Variants in AZGP1 observed in about 807,000 individuals in gnomAD.
AZGP1 encodes the protein alpha-2-glycoprotein 1, zinc-binding.
AZGP1 carries 28 observed loss-of-function variants against 31.5 expected under a neutral mutation model. The ratio of observed to expected loss-of-function variants is 0.89; its 90% CI spans 0.66 to 1.22. AZGP1 has a LOEUF of 1.22. Ranked by LOEUF, AZGP1 falls within the 50% of genes most tolerant of loss-of-function variation. The pLI is 0.00. For synonymous variants in AZGP1, 135 were observed against 145.4 expected, an observed-to-expected ratio of 0.93 and a Z score of 0.51; for missense variants, 361 against 371.8, an observed-to-expected ratio of 0.97 and a Z score of 0.24.
chr7:99,969,648 T>C (rs149513858), intron 2 of AZGP1, among the ~76,000 whole-genome samples: 1 of 152,144 alleles, frequency 6.6e-6, no homozygotes, highest in Admixed American at 6.5e-5. Context: ...CTAAGGACAA[T>C]TATTTGTTTG....
intron 2 of AZGP1, among the ~76,000 whole-genome samples, chr7:99,969,473 G>A (rs746899535): frequency 4.0e-5 from 6 of 151,278 alleles, no homozygotes; most frequent in East Asian, 3.9e-4. Context: ...CCCAGTTATC[G>A]GGAGGCTGAG....
At chr7:99,969,535 G>A (rs569088449) in intron 2 of AZGP1, among the ~76,000 whole-genome samples, 2 of 151,596 alleles carry the variant, frequency 1.3e-5, no homozygotes, top group South Asian at 2.1e-4. Context: ...AGCTGAGATT[G>A]CATCACTGCA....
chr7:99,975,869 G>C (rs549472314), intron 1 of AZGP1, 76 bp downstream of exon 1: 2 of 1,501,816 alleles, frequency 1.3e-6, no homozygotes, highest in Non-Finnish European at 1.8e-6. Context: ...CATCCAGCCT[G>C]TCTCCCAGCC....
intron 2 of AZGP1, 159 bp from the exon 3 acceptor site, chr7:99,968,589 T>A: frequency 5.6e-6 from 5 of 892,568 alleles, no homozygotes; most frequent in Non-Finnish European, 8.6e-6. Context: ...ATTACTCCAA[T>A]ATATACAACA....
intron 3 of AZGP1, 76 bp downstream of exon 3, chr7:99,968,079 G>T (rs143327458): frequency 4.5e-6 from 7 of 1,561,748 alleles, no homozygotes; most frequent in Middle Eastern, 1.7e-4. Flanking sequence ...ACCGGACTAA[G>T]ATGTTGCCTG....
chr7:99,968,087 C>T, intron 3 of AZGP1, 68 bp downstream of exon 3: 1 of 1,583,336 alleles, frequency 6.3e-7, no homozygotes, highest in Non-Finnish European at 8.6e-7. Flanking sequence ...AAGATGTTGC[C>T]TGAGCTCCTA....
At chr7:99,975,185 G>A (rs1789640692) in intron 1 of AZGP1, among the ~76,000 whole-genome samples, 1 of 151,496 alleles carries the variant, frequency 6.6e-6, no homozygotes, top group African/African-American at 2.4e-5. Flanking sequence ...CCACCTATTA[G>A]TTCTGTTTCT....
In AZGP1 at chr7:99,971,795, G is replaced by C; in HGVS notation, c.288C>G (p.Ile96Met). 1 of 1,614,040 alleles carries C rather than the reference G, an allele frequency of 6.2e-7. No individual in the cohort carries two copies. The highest frequency in any genetic ancestry group is 8.5e-7 in the Non-Finnish European group (1 of 1,179,964). ...DSQLQKARED[I>M]FMETLKDIVE... is the part of the protein sequence containing the mutation. ...CGATGTCTTTCAGGGTCTCCATAAA[G>C]ATGTCCTCCCTGGCCTTCTGAAGTT... The change falls in exon 2 of 4, where the codon ATC (isoleucine) becomes ATG (methionine). Residue 96 changes from isoleucine (I) to methionine (M), a missense_variant. Coordinates refer to ENST00000292401, the MANE Select transcript of AZGP1 (RefSeq NM_001185.4).
At position 99,971,982 on chromosome 7, in the gene AZGP1, T is replaced by C; in HGVS notation, c.101A>G (p.Tyr34Cys). Residue 34 changes from tyrosine (Y) to cysteine (C), a missense_variant, in exon 2 of 4, where the codon TAC becomes TGC. By Grantham distance (194) the Tyr-to-Cys change is radical (BLOSUM62 -2). Transcript: ENST00000292401. ...QDGRYSLTYIYTGLSKHVEDV... is the reference protein window; with the variant it reads ...QDGRYSLTYICTGLSKHVEDV... ...TTCAACATGCTTGGACAGCCCAGTG[T>C]AGATATAGGTCAGAGAGTAACGACC... 1 of 1,613,392 alleles carries C rather than the reference T, an allele frequency of 6.2e-7. No individual in the cohort carries two copies. Among genetic ancestry groups the C allele is most frequent in the Non-Finnish European group, 8.5e-7 (1 of 1,179,620 alleles).
chr7:99,971,550 G>A (rs1789577464), intron 2 of AZGP1, 196 bp downstream of exon 2: 1 of 649,864 alleles, frequency 1.5e-6, no homozygotes, highest in East Asian at 2.8e-5. Flanking sequence ...GATGAGGATG[G>A]GGCAATTGAT....
At chr7:99,967,367 A>T in intron 3 of AZGP1, 81 bp from the exon 4 acceptor site, 3 of 1,467,212 alleles carry the variant, frequency 2.0e-6, no homozygotes, top group Non-Finnish European at 2.8e-6. Context: ...CCACCCCTGG[A>T]TGTCAGCGAT....
In AZGP1 at chr7:99,968,040, G is replaced by T. The variant is rs534040497; in HGVS notation, c.613+115C>A. 3.7e-4 allele frequency: 491 copies of T among 1,337,744 alleles called. 2 individuals carry two copies. The African/African-American group carries it at 6.3e-3, about 17-fold the overall frequency. The allele number at this position is 1,337,744 out of a possible 1,614,324, so 82.9% of individuals were successfully genotyped here. ...TAAATCCTAAAAGATGAAAGCTGGG[G>T]GTCTGAGGGACATCCAGGAACAGAT... On this transcript the variant is annotated intron_variant, in intron 3 of 3. Coordinates refer to ENST00000292401, the MANE Select transcript of AZGP1 (RefSeq NM_001185.4).
Position 99,968,740 on chromosome 7 carries a change from A to C in AZGP1, c.338-310T>G, listed in dbSNP as rs1274840388. Reference sequence around the variant, plus strand: ...CACTTTGAGAAGCTGAAGCGAGTGGATCGCTTGAGCCCAGGGGTTCCAGAC... The same window carrying C: ...CACTTTGAGAAGCTGAAGCGAGTGGCTCGCTTGAGCCCAGGGGTTCCAGAC... On this transcript the variant is annotated intron_variant, in intron 2 of 3. Transcript: ENST00000292401. 7 of 357,654 alleles carry C rather than the reference A, an allele frequency of 2.0e-5. No individual in the cohort carries two copies. In the East Asian group the frequency reaches 4.8e-4, roughly 25 times the overall value. The allele number at this position is 357,654 out of a possible 1,614,324, so 22.2% of individuals were successfully genotyped here.
At position 99,967,256 on chromosome 7, in the gene AZGP1, T is replaced by TG. The variant is rs1275931062; in HGVS notation, c.643dup (p.Gln215ProfsTer22). The TG allele has an allele frequency of 1.2e-6, 2 of 1,612,794 alleles. No homozygotes were observed. The highest frequency in any genetic ancestry group is 2.7e-5 in the African/African-American group (2 of 74,874). On this transcript the variant is annotated frameshift_variant, in exon 4 of 4. Transcript: ENST00000292401. LOFTEE classifies it high-confidence loss of function. ...CAGTTTCTTCTTTTCTCCTGGGGCC[T>TG]GGTGGCTGGTGACCACCACAGAGGG...
Position 99,966,749 on chromosome 7 carries a change from A to C in AZGP1, c.*254T>G. On this transcript the variant is annotated 3_prime_UTR_variant, in exon 4 of 4. Transcript: ENST00000292401. ...CTGTTATGCTAGGCAAGGAGGGATG[A>C]TTATTTATTAGCTTCTACAGATTAG... is the stretch of plus-strand genomic sequence containing the variant. 1.9e-6 allele frequency: 1 copy of C among 536,658 alleles called. No homozygotes were observed. Among genetic ancestry groups the C allele is most frequent in the Non-Finnish European group, 3.2e-6 (1 of 315,228 alleles). 33.2% of individuals were successfully genotyped at this position (536,658 alleles called of 1,614,324 possible). A position where few individuals can be genotyped will look rare whatever the true frequency, so the allele number is the denominator to read the frequency against.
rs776168580 is a variant in AZGP1 at position 99,968,161 on chromosome 7, G to A, written c.607C>T (p.Arg203Trp). ...AGCAGGAAGCAGTGAGTACCTTGCC[G>A]GTCCAGGATATTTTTGCTGTATTTC... ...YLKYSKNILDRQDPPSVVVTS... is the reference protein window; with the variant it reads ...YLKYSKNILDWQDPPSVVVTS... Residue 203 changes from arginine to tryptophan, a missense_variant, in exon 3 of 4, where the codon CGG (arginine) becomes TGG (tryptophan). Physicochemically the swap from Arg to Trp is moderately radical, Grantham distance 101 (BLOSUM62 -3). Coordinates refer to ENST00000292401, the MANE Select transcript of AZGP1 (RefSeq NM_001185.4). 4.0e-5 allele frequency: 64 copies of A among 1,613,834 alleles called. 1 individual carries two copies. The highest frequency in any genetic ancestry group is 3.3e-4 in the Middle Eastern group (2 of 6,060).
chr7:99,971,727 T>C lies in AZGP1; in HGVS notation c.337+19A>G, dbSNP rs1340732915. 1.7e-5 allele frequency: 27 copies of C among 1,609,574 alleles called. No homozygotes were observed. Among genetic ancestry groups the C allele is most frequent in the Non-Finnish European group, 2.3e-5 (27 of 1,177,192 alleles). ...TCTTGGGTTAGACCTTCCACCCCTGTGGTCTGTTATTCACTGACCGTTACT... is the reference window on the plus strand; with the variant it reads ...TCTTGGGTTAGACCTTCCACCCCTGCGGTCTGTTATTCACTGACCGTTACT... On this transcript the variant is annotated intron_variant, in intron 2 of 3. Transcript: ENST00000292401.
intron 1 of AZGP1, among the ~76,000 whole-genome samples, chr7:99,973,759 T>C (rs1789615673): frequency 6.6e-6 from 1 of 150,962 alleles, no homozygotes; most frequent in Admixed American, 6.6e-5. Context: ...CTACTAAAAA[T>C]ACATAAATTA....
intron 2 of AZGP1, chr7:99,968,732 G>A (rs1054197681): frequency 2.6e-6 from 1 of 380,158 alleles, no homozygotes; most frequent in Non-Finnish European, 4.7e-6. Flanking sequence ...AGAAGCTGAA[G>A]CGAGTGGATC....
Sources: allele counts gnomAD v4.1 joint callset (sites outside exome capture counted in the v4.1 genomes callset), GRCh38; gene constraint gnomAD v4.1.1; transcripts MANE v1.5; gene names NCBI Gene and HGNC (gene_info 2026-07-23, HGNC 2026-07-21).